FGD6: variants seen among roughly 807,000 people sequenced by gnomAD.
FGD6 encodes the protein FYVE, RhoGEF and PH domain containing 6, also known as FYVE, RhoGEF and PH domain-containing protein 6.
FGD6 carries 90 observed loss-of-function variants against 149.4 expected under a neutral mutation model. The observed-to-expected ratio is 0.60, with a 90% CI of 0.51 to 0.72. The LOEUF is 0.72. FGD6 is among the 30% of genes least tolerant of loss of function. The pLI is 0.00. For missense variants in FGD6, 1,437 were observed against 1,684.8 expected (o/e 0.85, Z 2.57); for synonymous variants, 527 against 584.0 (o/e 0.90, Z 1.41).
chr12:95,101,873 G>A (rs1878449016), intron 14 of FGD6, among the ~76,000 whole-genome samples: 1 of 151,586 alleles, frequency 6.6e-6, no homozygotes, highest in Admixed American at 6.6e-5. Flanking sequence ...AGTAGAGACG[G>A]GGTTTCCCCA....
chr12:95,125,847 G>A (rs1359354798), intron 8 of FGD6: 3 of 1,050,892 alleles, frequency 2.9e-6, no homozygotes, highest in East Asian at 4.8e-5. Flanking sequence ...GATCATAGAT[G>A]TTATTGATCA....
intron 6 of FGD6, among the ~76,000 whole-genome samples, chr12:95,139,666 T>G (rs2136261842): frequency 7.4e-6 from 1 of 135,564 alleles, no homozygotes; most frequent in Admixed American, 8.1e-5. Flanking sequence ...ATGACTTTTT[T>G]TTTTTTTTTA....
At chr12:95,162,413 G>T (rs780989098) in intron 3 of FGD6, among the ~76,000 whole-genome samples, 1 of 152,154 alleles carries the variant, frequency 6.6e-6, no homozygotes, top group Non-Finnish European at 1.5e-5. Context: ...TGTAGTCCCA[G>T]CTACTTGGGA....
Position 95,085,872 on chromosome 12 carries a change from A to G in FGD6, c.4015T>C (p.Tyr1339His). 1 of 1,612,244 alleles carries G rather than the reference A, an allele frequency of 6.2e-7. No homozygotes were observed. The highest frequency in any genetic ancestry group is 8.5e-7 in the Non-Finnish European group (1 of 1,179,614). ...TTATTGCCCTTTGATCTGTACAAGT[A>G]GCCACTCATAGAAGAATCCTCTGTG... ...ANTEDSSMSG[Y>H]LYRSKGNKKP... The change falls in exon 19 of 21, where the codon TAC (tyrosine) becomes CAC (histidine). Residue 1339 changes from tyrosine (Y) to histidine (H), a missense_variant. Coordinates refer to ENST00000343958, the MANE Select transcript of FGD6 (RefSeq NM_018351.4).
Position 95,210,154 on chromosome 12 carries a change from T to G in FGD6, c.1130A>C (p.Lys377Thr). The change falls in exon 2 of 21, where the codon AAA becomes ACA. Residue 377 changes from lysine to threonine, a missense_variant. Coordinates refer to ENST00000343958, the MANE Select transcript of FGD6 (RefSeq NM_018351.4). ...TTCACTTTTATTTCCTAGCTTCATT[T>G]TATCCACCTGTTCCTGCTTACACAA... Reference protein sequence around the residue: ...NVLCKQEQVDKMKLGNKSELN... With the variant: ...NVLCKQEQVDTMKLGNKSELN... The G allele has an allele frequency of 6.2e-7, 1 of 1,614,022 alleles. No homozygotes were observed. The highest frequency in any genetic ancestry group is 8.5e-7 in the Non-Finnish European group (1 of 1,180,002).
intron 1 of FGD6, 85 bp downstream of exon 1, chr12:95,217,140 C>T (rs2056825952): frequency 6.3e-7 from 1 of 1,586,814 alleles, no homozygotes; most frequent in Admixed American, 1.7e-5. Flanking sequence ...ACTCGCCCAC[C>T]CCGGCGAAGA....
chr12:95,119,558 CCT>C (rs1879122521), intron 8 of FGD6, among the ~76,000 whole-genome samples: 1 of 152,174 alleles, frequency 6.6e-6, no homozygotes, highest in Non-Finnish European at 1.5e-5. Flanking sequence ...CTGCCTTATA[CCT>C]GCTGTCCAGG....
intron 2 of FGD6, among the ~76,000 whole-genome samples, chr12:95,207,089 G>A (rs910929885): frequency 3.3e-5 from 5 of 151,090 alleles, no homozygotes; most frequent in Non-Finnish European, 7.4e-5. Flanking sequence ...CCTACATGTC[G>A]TGGGAGGGAC....
intron 12 of FGD6, among the ~76,000 whole-genome samples, chr12:95,107,247 T>C (rs1032152949): frequency 1.3e-5 from 2 of 152,252 alleles, no homozygotes; most frequent in African/African-American, 4.8e-5. Flanking sequence ...CGTGCTTTAT[T>C]TCCAAGTTCT....
chr12:95,100,777 G>A (rs1878400954), intron 14 of FGD6: 1 of 465,300 alleles, frequency 2.1e-6, no homozygotes, highest in Non-Finnish European at 4.2e-6. Context: ...CAATAGTGAT[G>A]AGCGAACAGA....
At chr12:95,160,846 G>C (rs1040823175) in intron 3 of FGD6, among the ~76,000 whole-genome samples, 1 of 148,026 alleles carries the variant, frequency 6.8e-6, no homozygotes, top group African/African-American at 2.5e-5. Context: ...CCTGGGTGAC[G>C]AGAGCAAAAC....
chr12:95,145,225 G>T (rs746086091), intron 5 of FGD6, among the ~76,000 whole-genome samples: 2 of 152,068 alleles, frequency 1.3e-5, no homozygotes, highest in Non-Finnish European at 2.9e-5. Context: ...CTGGCCTCAA[G>T]TGATCTTCCT....
intron 8 of FGD6, among the ~76,000 whole-genome samples, chr12:95,117,767 G>T (rs1879062742): frequency 6.6e-6 from 1 of 152,176 alleles, no homozygotes; most frequent in African/African-American, 2.4e-5. Flanking sequence ...AAGGCCACCG[G>T]GCGCAGTGGC....
chr12:95,177,664 A>C (rs1190501414), intron 2 of FGD6, among the ~76,000 whole-genome samples: 1 of 152,146 alleles, frequency 6.6e-6, no homozygotes, highest in Non-Finnish European at 1.5e-5. Flanking sequence ...GGCACATTTC[A>C]TATTTATCAC....
chr12:95,208,334 T>C (rs2056703499), intron 2 of FGD6, among the ~76,000 whole-genome samples: 1 of 152,132 alleles, frequency 6.6e-6, no homozygotes, highest in Non-Finnish European at 1.5e-5. Flanking sequence ...TTTTCCTATA[T>C]CCACTTGAGG....
intron 2 of FGD6, among the ~76,000 whole-genome samples, chr12:95,184,303 C>T (rs1881365095): frequency 6.6e-6 from 1 of 152,176 alleles, no homozygotes; most frequent in South Asian, 2.1e-4. Flanking sequence ...TCAAAGGCTT[C>T]TTGGGAGCCC....
intron 20 of FGD6, among the ~76,000 whole-genome samples, chr12:95,083,155 G>T (rs1877755271): frequency 6.7e-6 from 1 of 149,758 alleles, no homozygotes; most frequent in Non-Finnish European, 1.5e-5. Context: ...CAAATTTTAA[G>T]GAATTTTCAA....
At chr12:95,105,964 C>G (rs1052141732) in intron 13 of FGD6, among the ~76,000 whole-genome samples, 7 of 151,940 alleles carry the variant, frequency 4.6e-5, no homozygotes, top group African/African-American at 1.7e-4. Context: ...GAGCTGAGAT[C>G]GCACCACTGC....
chr12:95,209,148 A>C lies in FGD6; in HGVS notation c.2136T>G (p.Ser712Arg). Residue 712 changes from serine (S) to arginine (R), a missense_variant, in exon 2 of 21, where the codon AGT becomes AGG. This residue lies in a region of FGD6 where 1,055 missense variants were observed against 1,146.0 expected (regional missense o/e 0.92). Coordinates refer to ENST00000343958, the MANE Select transcript of FGD6 (RefSeq NM_018351.4). The part of the protein sequence containing the change: ...KKRKKSRGQT[S>R]AANGLRAESL... ...ACTCAGCTCTCAGACCATTAGCTGCACTGGTCTGGCCCCGAGACTTCTTCC... is the reference window on the plus strand; with the variant it reads ...ACTCAGCTCTCAGACCATTAGCTGCCCTGGTCTGGCCCCGAGACTTCTTCC... The C allele has an allele frequency of 6.2e-7, 1 of 1,614,116 alleles. No homozygotes were observed.
Sources: gnomAD v4.1 joint callset for allele counts (sites outside exome capture counted in the v4.1 genomes callset) on GRCh38, gnomAD v4.1.1 for gene constraint, gnomAD v4.1.1 regional missense constraint, MANE v1.5 for transcripts, NCBI Gene and HGNC (gene_info 2026-07-23, HGNC 2026-07-21) for gene names.